The following USP15 variants were observed in gnomAD, a reference collection of about 807,000 sequenced individuals.
USP15 encodes the protein ubiquitin carboxyl-terminal hydrolase 15.
In USP15, 18 loss-of-function variants were observed where a neutral mutation model predicts 127.1. The ratio of observed to expected loss-of-function variants is 0.14; its 90% confidence interval spans 0.10 to 0.21. The LOEUF is 0.21. USP15 is among the 10% of genes least tolerant of loss of function. The probability of loss-of-function intolerance (pLI) is 1.00; values close to 1 mark genes in which losing one functional copy is unlikely to be tolerated. For missense variants in USP15, 805 were observed against 1,159.9 expected, an observed-to-expected ratio of 0.69 and a Z score of 4.44; for synonymous variants, 364 against 393.7, an observed-to-expected ratio of 0.92 and a Z score of 0.89.
chr12:62,324,365 G>A (rs999932240), intron 5 of USP15, among the ~76,000 whole-genome samples: 1 of 151,846 alleles, frequency 6.6e-6, no homozygotes, highest in Non-Finnish European at 1.5e-5. Flanking sequence ...ATCTTCTATA[G>A]CTAAAATCTC....
chr12:62,309,792 C>T (rs1046727580), intron 3 of USP15, among the ~76,000 whole-genome samples: 1 of 151,208 alleles, frequency 6.6e-6, no homozygotes, highest in African/African-American at 2.4e-5. Flanking sequence ...AAAATAATCT[C>T]AATAGAGATA....
intron 6 of USP15, among the ~76,000 whole-genome samples, chr12:62,341,725 G>A (rs2065653658): frequency 1.3e-5 from 2 of 152,198 alleles, no homozygotes; most frequent in Admixed American, 6.5e-5. Flanking sequence ...CTTCTGGCTT[G>A]TAGGGTTTCT....
At chr12:62,305,493 T>C (rs1467809222) in intron 3 of USP15, 2 of 152,080 alleles carry the variant, frequency 1.3e-5, no homozygotes, top group Non-Finnish European at 2.9e-5. Flanking sequence ...TGAAAACTAA[T>C]AGAATTTGTT....
chr12:62,355,663 G>A (rs921476935), intron 8 of USP15, among the ~76,000 whole-genome samples, 188 bp downstream of exon 8: 1 of 151,544 alleles, frequency 6.6e-6, no homozygotes, highest in Non-Finnish European at 1.5e-5. Flanking sequence ...TTCTCAATTA[G>A]GTGACCTGTG....
intron 3 of USP15, chr12:62,304,651 C>G (rs1019478230): frequency 6.8e-6 from 3 of 443,964 alleles, no homozygotes; most frequent in South Asian, 1.6e-5. Context: ...CCTCAAAGAT[C>G]TCTAAAATGC....
At chr12:62,358,010 T>C (rs1319447510) in intron 8 of USP15, among the ~76,000 whole-genome samples, 1 of 152,164 alleles carries the variant, frequency 6.6e-6, no homozygotes. Context: ...TTCTTTGAAA[T>C]TGAAGACGTT....
In USP15 at chr12:62,330,960, A is replaced by G. The variant is rs571606006; in HGVS notation, c.683+5027A>G. ...AAAAAAAAAAAAAAAACAGAAAAGC[A>G]TGTTATAAGCACATGATGTTAGCTT... On this transcript the variant is annotated intron_variant, in intron 6 of 21. Coordinates refer to ENST00000280377, the MANE Select transcript of USP15 (RefSeq NM_001252078.2). 6.6e-5 allele frequency among the ~76,000 whole-genome samples: 10 copies of G among 151,482 alleles called. No homozygotes were observed. The South Asian group carries it at 1.7e-3, about 25-fold the overall frequency.
intron 19 of USP15, among the ~76,000 whole-genome samples, chr12:62,396,057 A>C (rs1375020412): frequency 1.1e-4 from 17 of 151,932 alleles, no homozygotes; most frequent in Admixed American, 1.1e-3. Flanking sequence ...AAAATTTTCA[A>C]CCCATAAACA....
chr12:62,407,139 T>A lies in USP15; in HGVS notation c.*2764T>A, dbSNP rs140478761. The A allele has an allele frequency of 6.6e-6, 1 of 152,220 alleles. No homozygotes were observed. The highest frequency in any genetic ancestry group is 2.4e-5 in the African/African-American group (1 of 41,458). The allele number at this position is 152,220 out of a possible 1,614,324, so 9.4% of individuals were successfully genotyped here. A position where few individuals can be genotyped will look rare whatever the true frequency, so the allele number is the denominator to read the frequency against. Reference sequence around the variant, plus strand: ...TAGCCAGCATTTATTGAGCACTTACTATGGACCAGGCACTATATTAAAGTG... The same window carrying A: ...TAGCCAGCATTTATTGAGCACTTACAATGGACCAGGCACTATATTAAAGTG... On this transcript the variant is annotated 3_prime_UTR_variant, in exon 22 of 22. Coordinates refer to ENST00000280377, the MANE Select transcript of USP15 (RefSeq NM_001252078.2).
intron 17 of USP15, among the ~76,000 whole-genome samples, 165 bp downstream of exon 17, chr12:62,392,051 CT>C (rs537908226): frequency 2.0e-4 from 30 of 148,214 alleles, no homozygotes; most frequent in Admixed American, 3.4e-4. Flanking sequence ...GCAAAAATAC[CT>C]TTTTTTTTTA....
chr12:62,409,374 A>G lies in USP15; in HGVS notation c.*4999A>G, dbSNP rs2067981987. On this transcript the variant is annotated 3_prime_UTR_variant, in exon 22 of 22. Transcript: ENST00000280377. ...ATGGGTTTTGATATTTTTTTTTCCT[A>G]GAAATGTGTAGCAAATGTGATTTTA... is the stretch of plus-strand genomic sequence containing the variant. 1 of 152,144 alleles carries G rather than the reference A, an allele frequency of 6.6e-6. No individual in the cohort carries two copies. The highest frequency in any genetic ancestry group is 6.5e-5 in the Admixed American group (1 of 15,278). 9.4% of individuals were successfully genotyped at this position (152,144 alleles called of 1,614,324 possible).
chr12:62,263,532 C>G (rs2063120800), intron 1 of USP15, among the ~76,000 whole-genome samples: 1 of 151,990 alleles, frequency 6.6e-6, no homozygotes, highest in African/African-American at 2.4e-5. Flanking sequence ...TGATTTTTAT[C>G]TAAAAACTGA....
At chr12:62,341,687 A>G (rs1472807638) in intron 6 of USP15, among the ~76,000 whole-genome samples, 2 of 152,144 alleles carry the variant, frequency 1.3e-5, no homozygotes. Context: ...TCCTTTCTTT[A>G]AGAATGTTGA....
At chr12:62,268,096 G>A (rs2063242187) in intron 1 of USP15, among the ~76,000 whole-genome samples, 1 of 151,986 alleles carries the variant, frequency 6.6e-6, no homozygotes, top group African/African-American at 2.4e-5. Flanking sequence ...CATTTACTAT[G>A]TTAAGAGCAT....
chr12:62,272,780 A>G (rs1014386346), intron 1 of USP15, among the ~76,000 whole-genome samples: 1 of 152,098 alleles, frequency 6.6e-6, no homozygotes, highest in Non-Finnish European at 1.5e-5. Context: ...CAAATTATTT[A>G]TCATAATGCC....
rs757838224 is a variant in USP15, at chr12:62,389,790, C to T, written c.1653-7C>T. On this transcript the variant is annotated splice_polypyrimidine_tract_variant and splice_region_variant and intron_variant, in intron 13 of 21. Transcript: ENST00000280377. The stretch of plus-strand genomic sequence containing the variant: ...TTGAGAGTTTATGGTCAGTTTTGTC[C>T]TTGTAGGTTTGAAATTAACATCAAT... 2.5e-6 allele frequency: 4 copies of T among 1,606,888 alleles called. No individual in the cohort carries two copies. In the African/African-American group the frequency reaches 5.4e-5, roughly 22 times the overall value.
chr12:62,412,729 G>T lies in USP15; in HGVS notation c.*8354G>T, dbSNP rs1020323003. On this transcript the variant is annotated 3_prime_UTR_variant, in exon 22 of 22. Coordinates refer to ENST00000280377, the MANE Select transcript of USP15 (RefSeq NM_001252078.2). ...TTGCAGCAATCCAGACACATCTTCA[G>T]GCTCCACTTGTAGTTCTCTTGCTAT... 9 of 152,168 alleles carry T rather than the reference G, an allele frequency of 5.9e-5. No individual in the cohort carries two copies. Among genetic ancestry groups the T allele is most frequent in the African/African-American group, 1.2e-4 (5 of 41,410 alleles). 9.4% of individuals were successfully genotyped at this position (152,168 alleles called of 1,614,324 possible).
At chr12:62,291,459 A>G (rs1003653713) in intron 1 of USP15, among the ~76,000 whole-genome samples, 6 of 152,148 alleles carry the variant, frequency 3.9e-5, no homozygotes, top group Non-Finnish European at 7.4e-5. Context: ...CACATTTTCC[A>G]TGAATCTCAT....
chr12:62,293,648 G>A (rs945837439), intron 1 of USP15, among the ~76,000 whole-genome samples: 3 of 152,084 alleles, frequency 2.0e-5, no homozygotes, highest in South Asian at 2.1e-4. Flanking sequence ...AAGCCACTGC[G>A]CCCGGCTGTA....
Sources: allele counts gnomAD v4.1 joint callset (sites outside exome capture counted in the v4.1 genomes callset), GRCh38; gene constraint gnomAD v4.1.1; transcripts MANE v1.5; gene names NCBI Gene and HGNC (gene_info 2026-07-23, HGNC 2026-07-21).